PARP8: variants seen among roughly 807,000 people sequenced by gnomAD.
The protein encoded by PARP8 is poly(ADP-ribose) polymerase family member 8.
PARP8 carries 51 observed loss-of-function variants against 124.1 expected under a neutral mutation model. That is an observed-to-expected ratio of 0.41 (90% CI 0.33 to 0.52). The LOEUF is 0.52. Ranked by LOEUF, PARP8 falls within the 20% of genes least tolerant of loss-of-function variation. The pLI is 0.21. For synonymous variants in PARP8, 391 were observed against 361.5 expected (o/e 1.08, Z -0.93); for missense variants, 860 against 1,018.9 (o/e 0.84, Z 2.12).
At chr5:50,773,405 C>G (rs929231420) in intron 7 of PARP8, among the ~76,000 whole-genome samples, 1 of 152,058 alleles carries the variant, frequency 6.6e-6, no homozygotes, top group Non-Finnish European at 1.5e-5. Context: ...GACAGTTTTC[C>G]CAGCACCATT....
rs192866804 is a variant in PARP8, at chr5:50,801,126, A to T, written c.1575+3893A>T. ...GGCTATCCAAATTATATATATATAT[A>T]TTTTTGAGATGGAGTTTTGCTTTTG... is the stretch of plus-strand genomic sequence containing the variant. On this transcript the variant is annotated intron_variant, in intron 14 of 25. Coordinates refer to ENST00000281631, the MANE Select transcript of PARP8 (RefSeq NM_024615.4). Among the ~76,000 whole-genome samples the T allele has an allele frequency of 1.7e-4, 26 of 151,692 alleles. 1 individual carries two copies. The highest frequency in any genetic ancestry group is 4.2e-4 in the South Asian group (2 of 4,806).
At chr5:50,760,683 G>T (rs975955661) in intron 5 of PARP8, among the ~76,000 whole-genome samples, 1 of 152,012 alleles carries the variant, frequency 6.6e-6, no homozygotes, top group Non-Finnish European at 1.5e-5. Context: ...ATAACTGCAC[G>T]TGGCTATACA....
intron 7 of PARP8, among the ~76,000 whole-genome samples, chr5:50,764,706 G>T (rs1418159153): frequency 6.6e-6 from 1 of 151,938 alleles, no homozygotes; most frequent in East Asian, 1.9e-4. Flanking sequence ...CTCTGTTATG[G>T]CTCCAGATTA....
intron 3 of PARP8, among the ~76,000 whole-genome samples, chr5:50,752,103 C>G (rs1015853765): frequency 5.9e-5 from 9 of 151,856 alleles, no homozygotes; most frequent in Non-Finnish European, 7.4e-5. Context: ...TACTCTTTTT[C>G]TCATTTACCA....
chr5:50,822,827 T>G (rs1745913403), intron 17 of PARP8, among the ~76,000 whole-genome samples: 1 of 152,176 alleles, frequency 6.6e-6, no homozygotes, highest in African/African-American at 2.4e-5. Context: ...AAAACCACTT[T>G]GGAAGATGCC....
At chr5:50,727,963 T>C (rs1276402600) in intron 2 of PARP8, among the ~76,000 whole-genome samples, 1 of 152,192 alleles carries the variant, frequency 6.6e-6, no homozygotes, top group Non-Finnish European at 1.5e-5. Flanking sequence ...GGCCCCTGTC[T>C]ATTTTTACTT....
intron 2 of PARP8, chr5:50,669,511 C>T (rs1027054366): frequency 2.6e-5 from 4 of 152,136 alleles, no homozygotes; most frequent in African/African-American, 9.7e-5. Flanking sequence ...AAGTAACTAG[C>T]TTTCTGATTT....
chr5:50,791,630 T>C (rs1392046264), intron 10 of PARP8, among the ~76,000 whole-genome samples: 1 of 152,182 alleles, frequency 6.6e-6, no homozygotes, highest in African/African-American at 2.4e-5. Context: ...TGGTCTTGTA[T>C]AGGGTATCCT....
chr5:50,827,757 C>T lies in PARP8; in HGVS notation c.1978-187C>T, dbSNP rs1365977509. ...AGAATTGTTCTTCATATTTGCAATT[C>T]CATGTGACTTATCACTTGCGTAGAG... is the stretch of plus-strand genomic sequence containing the variant. On this transcript the variant is annotated intron_variant, in intron 19 of 25. Coordinates refer to ENST00000281631, the MANE Select transcript of PARP8 (RefSeq NM_024615.4). 2.0e-5 allele frequency among the ~76,000 whole-genome samples: 3 copies of T among 152,146 alleles called. No individual in the cohort carries two copies. The East Asian group carries it at 5.8e-4, about 29-fold the overall frequency.
intron 2 of PARP8, among the ~76,000 whole-genome samples, chr5:50,704,308 A>T (rs1425150832): frequency 6.6e-6 from 1 of 152,140 alleles, no homozygotes; most frequent in Non-Finnish European, 1.5e-5. Context: ...TCTGACAGTC[A>T]AAAAAGGCCA....
intron 2 of PARP8, among the ~76,000 whole-genome samples, chr5:50,720,694 AG>A (rs754010759): frequency 6.6e-6 from 1 of 151,210 alleles, no homozygotes; most frequent in African/African-American, 2.4e-5. Flanking sequence ...AGGTTTCTAT[AG>A]AAAAAGATGT....
At chr5:50,724,630 T>C (rs1040359985) in intron 2 of PARP8, among the ~76,000 whole-genome samples, 3 of 152,186 alleles carry the variant, frequency 2.0e-5, no homozygotes, top group African/African-American at 7.2e-5. Context: ...ATTGTAATTA[T>C]GTTGTTTTTA....
At chr5:50,676,845 C>T (rs929967565) in intron 2 of PARP8, among the ~76,000 whole-genome samples, 5 of 152,108 alleles carry the variant, frequency 3.3e-5, no homozygotes, top group Non-Finnish European at 7.3e-5. Flanking sequence ...GGGAAGCAAA[C>T]CCCTTTTTTA....
At chr5:50,724,403 G>A (rs1341599118) in intron 2 of PARP8, among the ~76,000 whole-genome samples, 10 of 152,112 alleles carry the variant, frequency 6.6e-5, no homozygotes, top group African/African-American at 9.6e-5. Flanking sequence ...CAGTGTATGT[G>A]CCAGCACAGC....
At chr5:50,711,750 C>T (rs1041809449) in intron 2 of PARP8, among the ~76,000 whole-genome samples, 1 of 152,084 alleles carries the variant, frequency 6.6e-6, no homozygotes, top group Non-Finnish European at 1.5e-5. Flanking sequence ...AATCAAGGTC[C>T]TTATGTTTAA....
intron 2 of PARP8, among the ~76,000 whole-genome samples, chr5:50,681,685 C>T (rs376814230): frequency 1.3e-5 from 2 of 152,100 alleles, no homozygotes; most frequent in African/African-American, 2.4e-5. Context: ...AGGGTTTCTT[C>T]CAACCTGAAA....
chr5:50,712,349 A>G (rs993171193), intron 2 of PARP8, among the ~76,000 whole-genome samples: 6 of 152,140 alleles, frequency 3.9e-5, no homozygotes, highest in African/African-American at 1.2e-4. Context: ...TGGAGCACCT[A>G]TAATACAACA....
chr5:50,729,334 C>T (rs1756746769), intron 2 of PARP8, among the ~76,000 whole-genome samples: 1 of 152,068 alleles, frequency 6.6e-6, no homozygotes. Context: ...TCACACTTGG[C>T]TATTTAATAC....
chr5:50,724,642 T>A (rs1756229634), intron 2 of PARP8, among the ~76,000 whole-genome samples: 1 of 151,928 alleles, frequency 6.6e-6, no homozygotes, highest in Admixed American at 6.6e-5. Flanking sequence ...TTGTTTTTAA[T>A]TTTTTTTGGT....
Sources: gnomAD v4.1 joint callset for allele counts (sites outside exome capture counted in the v4.1 genomes callset) on GRCh38, gnomAD v4.1.1 for gene constraint, MANE v1.5 for transcripts, NCBI Gene and HGNC (gene_info 2026-07-23, HGNC 2026-07-21) for gene names.